Variants in LRRC4C observed in about 807,000 individuals in gnomAD.
LRRC4C encodes leucine rich repeat containing 4C.
LRRC4C carries 5 observed loss-of-function variants against 33.6 expected under a neutral mutation model. The observed-to-expected ratio is 0.15, with a 90% CI of 0.08 to 0.31. The LOEUF is 0.31. LRRC4C is among the 10% of genes least tolerant of loss of function. The pLI, the probability that LRRC4C is intolerant of heterozygous loss-of-function variation, is 1.00. For synonymous variants in LRRC4C, 329 were observed against 302.0 expected (o/e 1.09, Z -0.93); for missense variants, 560 against 796.7 (o/e 0.70, Z 3.58).
At position 40,588,455 on chromosome 11, in the gene LRRC4C, G is replaced by GT. The variant is rs1441796124; in HGVS notation, c.-270+59686dup. On this transcript the variant is annotated intron_variant, in intron 3 of 6. Transcript: ENST00000528697. Reference sequence around the variant, plus strand: ...CCTGGATTCATTAATTTTTTGAAGGGTTTTTTGTGTCTCTATTTCCTTCAG... The same window carrying GT: ...CCTGGATTCATTAATTTTTTGAAGGGTTTTTTTGTGTCTCTATTTCCTTCAG... Among the ~76,000 whole-genome samples the GT allele has an allele frequency of 3.3e-5, 5 of 151,582 alleles. No homozygotes were observed. The South Asian group carries it at 6.3e-4, about 19-fold the overall frequency.
At chr11:40,876,710 C>T (rs1413362377) in intron 2 of LRRC4C, among the ~76,000 whole-genome samples, 3 of 151,916 alleles carry the variant, frequency 2.0e-5, no homozygotes, top group Admixed American at 1.3e-4. Flanking sequence ...TGAGACCTTA[C>T]TGGCCAACTT....
At chr11:40,533,435 G>T (rs903110319) in intron 3 of LRRC4C, among the ~76,000 whole-genome samples, 4 of 151,926 alleles carry the variant, frequency 2.6e-5, no homozygotes, top group African/African-American at 9.7e-5. Flanking sequence ...TTGCCTCAGG[G>T]TCTCTTTTTG....
rs543210022 is a variant in LRRC4C, at chr11:40,517,983, C to T, written c.-270+130159G>A. Reference sequence around the variant, plus strand: ...ACATCTACAATCATCTGATCTTTGACAAACCTGACAAAATAAGCAATGGGG... The same window carrying T: ...ACATCTACAATCATCTGATCTTTGATAAACCTGACAAAATAAGCAATGGGG... On this transcript the variant is annotated intron_variant, in intron 3 of 6. Coordinates refer to ENST00000528697, the MANE Select transcript of LRRC4C (RefSeq NM_001258419.2). Among the ~76,000 whole-genome samples the T allele has an allele frequency of 7.9e-5, 12 of 152,210 alleles. No individual in the cohort carries two copies. In the South Asian group the frequency reaches 8.3e-4, roughly 11 times the overall value.
At chr11:40,603,046 T>A (rs1372807851) in intron 3 of LRRC4C, among the ~76,000 whole-genome samples, 1 of 152,042 alleles carries the variant, frequency 6.6e-6, no homozygotes, top group Non-Finnish European at 1.5e-5. Flanking sequence ...GGAGATCTTG[T>A]ACCTGAGTCA....
chr11:40,480,792 G>C (rs1953516262), intron 3 of LRRC4C, among the ~76,000 whole-genome samples: 1 of 152,000 alleles, frequency 6.6e-6, no homozygotes, highest in Admixed American at 6.6e-5. Context: ...AACATGGATG[G>C]ACCTGAAATA....
intron 1 of LRRC4C, among the ~76,000 whole-genome samples, chr11:41,147,441 A>C (rs1943777417): frequency 6.6e-6 from 1 of 152,242 alleles, no homozygotes; most frequent in Non-Finnish European, 1.5e-5. Context: ...AATAAAAGTT[A>C]AATAAAAATT....
chr11:40,603,885 C>G (rs1210620633), intron 3 of LRRC4C, among the ~76,000 whole-genome samples: 2 of 152,002 alleles, frequency 1.3e-5, no homozygotes, highest in Non-Finnish European at 2.9e-5. Flanking sequence ...GTAAGTATTC[C>G]AAAAATCTGG....
rs562824198 is a variant in LRRC4C at position 40,577,133 on chromosome 11, C to T, written c.-270+71009G>A. On this transcript the variant is annotated intron_variant, in intron 3 of 6. Transcript: ENST00000528697. ...GAGTTTTTTAAATCACAGTGTGATC[C>T]AAAGCATGAACTTGTGACACTAGGA... 4.6e-5 allele frequency among the ~76,000 whole-genome samples: 7 copies of T among 152,212 alleles called. 1 individual carries two copies. The highest frequency in any genetic ancestry group is 1.7e-4 in the African/African-American group (7 of 41,526).
At chr11:41,407,678 T>A (rs546565949) in intron 1 of LRRC4C, among the ~76,000 whole-genome samples, 9 of 152,170 alleles carry the variant, frequency 5.9e-5, no homozygotes, top group Non-Finnish European at 1.0e-4. Context: ...TTGTGTACCT[T>A]TTATAAACCA....
At chr11:41,451,363 T>C (rs1210094744) in intron 1 of LRRC4C, among the ~76,000 whole-genome samples, 1 of 151,940 alleles carries the variant, frequency 6.6e-6, no homozygotes, top group Non-Finnish European at 1.5e-5. Context: ...GATATAGATA[T>C]AGATATAGAT....
intron 2 of LRRC4C, among the ~76,000 whole-genome samples, chr11:40,830,576 G>A (rs1952369511): frequency 6.6e-6 from 1 of 151,962 alleles, no homozygotes; most frequent in African/African-American, 2.4e-5. Context: ...AAAAATAAAA[G>A]AAACCCCAAA....
chr11:40,530,742 A>G (rs2135307351), intron 3 of LRRC4C, among the ~76,000 whole-genome samples: 1 of 152,288 alleles, frequency 6.6e-6, no homozygotes, highest in Non-Finnish European at 1.5e-5. Context: ...ACAAATAATT[A>G]CTATCATACA....
intron 1 of LRRC4C, among the ~76,000 whole-genome samples, chr11:41,254,319 T>C (rs1409925098): frequency 2.0e-5 from 3 of 151,980 alleles, no homozygotes; most frequent in Admixed American, 1.3e-4. Flanking sequence ...TCGGGAATCA[T>C]TGGTCTACGT....
chr11:40,228,707 G>A (rs746427797), intron 5 of LRRC4C, among the ~76,000 whole-genome samples: 6 of 152,200 alleles, frequency 3.9e-5, no homozygotes, highest in Non-Finnish European at 7.3e-5. Flanking sequence ...ACGCTTGTCT[G>A]CATTCAAGAG....
chr11:40,667,442 A>G (rs1295434203), intron 2 of LRRC4C, among the ~76,000 whole-genome samples: 2 of 152,212 alleles, frequency 1.3e-5, no homozygotes, highest in African/African-American at 4.8e-5. Flanking sequence ...AAATCCTTGC[A>G]TAATCCACTC....
chr11:40,283,719 T>A (rs1054178105), intron 4 of LRRC4C, among the ~76,000 whole-genome samples: 1 of 123,890 alleles, frequency 8.1e-6, no homozygotes, highest in Admixed American at 9.0e-5. Context: ...TTTTTTTTTT[T>A]TTGAGACGGA....
chr11:40,751,996 G>A (rs10837497), intron 2 of LRRC4C, among the ~76,000 whole-genome samples: 87,347 of 151,832 alleles, frequency 0.58, 25,939 homozygotes, highest in Non-Finnish European at 0.66. Context: ...AACATACACT[G>A]TAGAAAAGAC....
chr11:41,086,846 G>A (rs1940029492), intron 1 of LRRC4C, among the ~76,000 whole-genome samples: 1 of 150,470 alleles, frequency 6.6e-6, no homozygotes, highest in African/African-American at 2.4e-5. Context: ...ATGGAATAAA[G>A]CCAAACAAGA....
intron 2 of LRRC4C, among the ~76,000 whole-genome samples, chr11:40,915,919 T>TTA (rs1956937758): frequency 1.3e-5 from 2 of 152,172 alleles, no homozygotes; most frequent in Non-Finnish European, 2.9e-5. Context: ...AAGAAGACAT[T>TTA]TATGCAGCCA....
Sources: allele counts gnomAD v4.1 joint callset (sites outside exome capture counted in the v4.1 genomes callset), GRCh38; gene constraint gnomAD v4.1.1; transcripts MANE v1.5; gene names NCBI Gene and HGNC (gene_info 2026-07-23, HGNC 2026-07-21).